The following NUP214 variants were observed in gnomAD, a reference collection of about 807,000 sequenced individuals.
NUP214 encodes nucleoporin 214.
NUP214 carries 79 observed loss-of-function variants against 196.2 expected under a neutral mutation model. That is an observed-to-expected ratio of 0.40 (90% CI 0.34 to 0.49). The LOEUF is 0.49. Among genes scored for constraint, NUP214 ranks in the 20% least tolerant of loss-of-function variants. The pLI is 0.58. For missense variants in NUP214, 2,468 were observed against 2,539.0 expected (o/e 0.97, Z 0.60); for synonymous variants, 1,020 against 990.5 (o/e 1.03, Z -0.56).
At chr9:131,179,915 C>G (rs1362891715) in intron 24 of NUP214, among the ~76,000 whole-genome samples, 1 of 152,160 alleles carries the variant, frequency 6.6e-6, no homozygotes, top group Non-Finnish European at 1.5e-5. Context: ...TAGCCAGATT[C>G]CCAGCATAGG....
chr9:131,128,779 A>C, intron 3 of NUP214: 1 of 324,528 alleles, frequency 3.1e-6, no homozygotes, highest in Non-Finnish European at 5.7e-6. Flanking sequence ...ATGTTCTTCC[A>C]TTCCAAGCAG....
At chr9:131,147,441 A>C (rs879624039) in intron 13 of NUP214, 49 bp from the exon 14 acceptor site, 20 of 1,327,768 alleles carry the variant, frequency 1.5e-5, no homozygotes, top group Non-Finnish European at 2.1e-5. Flanking sequence ...GATAGGAGAA[A>C]TAAAGGTAAT....
At chr9:131,188,384 T>G (rs1833513897) in intron 25 of NUP214, among the ~76,000 whole-genome samples, 1 of 152,200 alleles carries the variant, frequency 6.6e-6, no homozygotes, top group African/African-American at 2.4e-5. Flanking sequence ...GTGCTGAAAC[T>G]CTTCCTAAGA....
At position 131,150,662 on chromosome 9, in the gene NUP214, C is replaced by G; in HGVS notation, c.2174C>G (p.Ser725Cys). 1.9e-6 allele frequency: 3 copies of G among 1,614,110 alleles called. No individual in the cohort carries two copies. The highest frequency in any genetic ancestry group is 1.1e-5 in the South Asian group (1 of 91,074). The change falls in exon 16 of 36, where the codon TCC (serine) becomes TGC (cysteine). Residue 725 changes from serine to cysteine, a missense_variant. Ser to Cys is a moderately radical substitution (Grantham distance 112). Around this residue, in one of 5 missense-constraint regions of NUP214, gnomAD observed 1,801 missense variants for 1,779.4 expected, o/e 1.01. Coordinates refer to ENST00000359428, the MANE Select transcript of NUP214 (RefSeq NM_005085.4). ...TTGGAAGAGTTAAAAGCCCGAACTT[C>G]CAAAGCCTGTTTCCAAGTGGGCACT... ...KELEELKART[S>C]KACFQVGTSE... is the part of the protein sequence containing the mutation.
At chr9:131,157,513 G>A (rs1251110042) in intron 17 of NUP214, among the ~76,000 whole-genome samples, 1 of 139,318 alleles carries the variant, frequency 7.2e-6, no homozygotes, top group Non-Finnish European at 1.5e-5. Flanking sequence ...TGCCCAGGCT[G>A]GAGTGCAGTG....
Position 131,150,770 on chromosome 9 carries a change from G to A in NUP214, c.2277+5G>A, listed in dbSNP as rs761199057. The A allele has an allele frequency of 1.3e-5, 21 of 1,601,674 alleles. No homozygotes were observed. Among genetic ancestry groups the A allele is most frequent in the Non-Finnish European group, 1.8e-5 (21 of 1,176,640 alleles). ...GAGATTAAAGAGACCACAGAGGTTT[G>A]TGTTTATGGATACTTTTCCTGAGTT... On this transcript the variant is annotated splice_donor_5th_base_variant and intron_variant, in intron 16 of 35. Coordinates refer to ENST00000359428, the MANE Select transcript of NUP214 (RefSeq NM_005085.4).
chr9:131,196,695 C>G (rs1204958492), intron 28 of NUP214, among the ~76,000 whole-genome samples: 1 of 152,196 alleles, frequency 6.6e-6, no homozygotes, highest in East Asian at 1.9e-4. Flanking sequence ...CCAGACCGTA[C>G]TGCCTCTGTC....
intron 31 of NUP214, among the ~76,000 whole-genome samples, chr9:131,217,876 G>A (rs1834447246): frequency 6.6e-6 from 1 of 152,202 alleles, no homozygotes; most frequent in South Asian, 2.1e-4. Context: ...GGTTTGCACG[G>A]ACACATGAGA....
intron 22 of NUP214, 129 bp downstream of exon 22, chr9:131,174,447 CTTTTTTTCTTTTTT>C (rs1322568102): frequency 5.7e-6 from 2 of 348,154 alleles, no homozygotes; most frequent in South Asian, 3.3e-5. Flanking sequence ...TTTTTTTTTT[CTTTTTTTCTTTTTT>C]TTTTTGAGGT....
intron 30 of NUP214, among the ~76,000 whole-genome samples, chr9:131,209,419 C>T (rs1448227907): frequency 1.3e-5 from 2 of 152,158 alleles, no homozygotes; most frequent in Admixed American, 1.3e-4. Context: ...GAGACGGAGT[C>T]TTGCTCTGTC....
At chr9:131,150,294 C>G in intron 14 of NUP214, 30 bp from the exon 15 acceptor site, 4 of 1,598,636 alleles carry the variant, frequency 2.5e-6, no homozygotes, top group Non-Finnish European at 3.4e-6. Flanking sequence ...CTATGACTTG[C>G]AGTTTTTAAA....
intron 7 of NUP214, 60 bp from the exon 8 acceptor site, chr9:131,134,838 G>C (rs1224406129): frequency 4.1e-6 from 4 of 981,204 alleles, no homozygotes; most frequent in Non-Finnish European, 6.4e-6. Flanking sequence ...AGATTCTTTT[G>C]CTGTGGGATC....
chr9:131,134,022 C>G (rs915840812), intron 7 of NUP214, among the ~76,000 whole-genome samples: 1 of 152,206 alleles, frequency 6.6e-6, no homozygotes, highest in Non-Finnish European at 1.5e-5. Flanking sequence ...TCACAGCTCA[C>G]TACAGCCTCA....
At chr9:131,133,680 A>G (rs1424511715) in intron 7 of NUP214, 1 of 152,362 alleles carries the variant, frequency 6.6e-6, no homozygotes, top group Non-Finnish European at 1.5e-5. Context: ...ACCATGGGCC[A>G]GGGGTCTAAA....
intron 19 of NUP214, chr9:131,163,457 C>A: frequency 4.6e-6 from 2 of 434,846 alleles, no homozygotes; most frequent in South Asian, 3.6e-5. Flanking sequence ...ACCATAGTAA[C>A]AGTGTCATGG....
chr9:131,233,418 C>G, intron 35 of NUP214, 36 bp from the exon 36 acceptor site: 3 of 1,577,778 alleles, frequency 1.9e-6, no homozygotes, highest in Non-Finnish European at 2.6e-6. Context: ...TGTGACAGAG[C>G]AGCTGACTCC....
At position 131,144,467 on chromosome 9, in the gene NUP214, G is replaced by A. The variant is rs147598578; in HGVS notation, c.1482G>A (p.Thr494=). Residue 494 remains threonine (T), a synonymous_variant, in exon 12 of 36, where the codon ACG becomes ACA. Transcript: ENST00000359428. ...FGSSSLKSSA[T]VTGEPPSYSS... is the part of the protein sequence containing the mutation. ...CTTCATCTTTGAAGTCATCTGCTAC[G>A]GTCACTGGGGAGCCCCCTTCATATT... 1.2e-6 allele frequency: 2 copies of A among 1,614,088 alleles called. No individual in the cohort carries two copies. The highest frequency in any genetic ancestry group is 2.2e-5 in the East Asian group (1 of 44,886).
Position 131,174,083 on chromosome 9 carries a change from T to C in NUP214, c.2922T>C (p.Ser974=). 1.2e-6 allele frequency: 2 copies of C among 1,613,598 alleles called. No individual in the cohort carries two copies. Among genetic ancestry groups the C allele is most frequent in the Non-Finnish European group, 1.7e-6 (2 of 1,179,844 alleles). ...PASLSRSAFL[S]QRYYEDLDEV... ...GCCTGTCTCGATCAGCCTTTCTGTC[T>C]CAGAGATATTATGAAGACTTGGATG... Residue 974 remains serine (S), a synonymous_variant, in exon 22 of 36, where the codon TCT becomes TCC. Transcript: ENST00000359428.
chr9:131,149,305 AAGTATCAAAT>A (rs1196216075), intron 14 of NUP214, among the ~76,000 whole-genome samples: 3 of 151,904 alleles, frequency 2.0e-5, no homozygotes, highest in African/African-American at 7.3e-5. Flanking sequence ...TAATCGTTGT[AAGTATCAAAT>A]AGTCTAAAGG....
Sources: allele counts gnomAD v4.1 joint callset (sites outside exome capture counted in the v4.1 genomes callset), GRCh38; gene constraint gnomAD v4.1.1; regional missense constraint gnomAD v4.1.1; transcripts MANE v1.5; gene names NCBI Gene and HGNC (gene_info 2026-07-23, HGNC 2026-07-21).